BIRC6: variants seen among roughly 807,000 people sequenced by gnomAD.
The protein encoded by BIRC6 is dual E2 ubiquitin-conjugating enzyme/E3 ubiquitin-protein ligase BIRC6.
BIRC6 carries 98 observed loss-of-function variants against 503.3 expected under a neutral mutation model. The observed-to-expected ratio is 0.19, with a 90% CI of 0.17 to 0.23. The LOEUF is 0.23. BIRC6 is among the 10% of genes least tolerant of loss of function. The probability of loss-of-function intolerance (pLI) is 1.00; values close to 1 mark genes in which losing one functional copy is unlikely to be tolerated. For missense variants in BIRC6, 5,360 were observed against 5,806.0 expected, an observed-to-expected ratio of 0.92 and a Z score of 2.50; for synonymous variants, 2,240 against 2,078.7, an observed-to-expected ratio of 1.08 and a Z score of -2.11.
chr2:32,518,170 A>C, intron 55 of BIRC6, 84 bp from the exon 56 acceptor site: 1 of 1,296,064 alleles, frequency 7.7e-7, no homozygotes. Context: ...ACTTATTCAT[A>C]TTTTCTGTTT....
At chr2:32,604,263 G>A (rs1404731160) in intron 71 of BIRC6, among the ~76,000 whole-genome samples, 1 of 152,020 alleles carries the variant, frequency 6.6e-6, no homozygotes, top group Non-Finnish European at 1.5e-5. Flanking sequence ...CTGTTTCTCA[G>A]GCCTAAAGTT....
intron 65 of BIRC6, chr2:32,558,738 G>A (rs2058954434): frequency 6.6e-6 from 1 of 152,120 alleles, no homozygotes; most frequent in African/African-American, 2.4e-5. Flanking sequence ...TCTTCACGGA[G>A]GGCTTGTGAA....
chr2:32,491,142 A>G (rs536226720), intron 43 of BIRC6, among the ~76,000 whole-genome samples: 16 of 152,198 alleles, frequency 1.1e-4, no homozygotes, highest in Non-Finnish European at 1.8e-4. Flanking sequence ...GGCTTTCCAA[A>G]TAAGAGTCAG....
chr2:32,398,793 G>A (rs368627824), intron 6 of BIRC6, among the ~76,000 whole-genome samples: 2 of 152,118 alleles, frequency 1.3e-5, no homozygotes, highest in East Asian at 1.9e-4. Flanking sequence ...AGAGAGAGAC[G>A]GAAAGGGGTA....
chr2:32,559,018 C>T (rs115582783), intron 65 of BIRC6: 1 of 151,988 alleles, frequency 6.6e-6, no homozygotes, highest in Non-Finnish European at 1.5e-5. Context: ...TTACACTGTT[C>T]TTTTTCTTTT....
chr2:32,475,379 T>C (rs1387618856), intron 33 of BIRC6, among the ~76,000 whole-genome samples: 1 of 152,128 alleles, frequency 6.6e-6, no homozygotes, highest in Non-Finnish European at 1.5e-5. Flanking sequence ...TTTTCTCTTC[T>C]TTGGTCTGTT....
rs943349469 is a variant in BIRC6 at position 32,605,362 on chromosome 2, A to G, written c.14071-2093A>G. ...ATAACTGACTGAGATCTATAAAACCATATTGTGTCTCAAAGGAGATGAGGT... is the reference window on the plus strand; with the variant it reads ...ATAACTGACTGAGATCTATAAAACCGTATTGTGTCTCAAAGGAGATGAGGT... On this transcript the variant is annotated intron_variant, in intron 71 of 73. Coordinates refer to ENST00000421745, the MANE Select transcript of BIRC6 (RefSeq NM_016252.4). Among the ~76,000 whole-genome samples the G allele has an allele frequency of 5.3e-5, 8 of 152,306 alleles. No individual in the cohort carries two copies. In the South Asian group the frequency reaches 1.5e-3, roughly 28 times the overall value.
chr2:32,417,424 G>A (rs756237250), intron 10 of BIRC6, among the ~76,000 whole-genome samples: 18 of 152,040 alleles, frequency 1.2e-4, no homozygotes, highest in Non-Finnish European at 2.4e-4. Context: ...GATTACAGGC[G>A]TGTGGCATTG....
At chr2:32,410,634 A>G (rs751443196) in intron 9 of BIRC6, among the ~76,000 whole-genome samples, 130 of 152,214 alleles carry the variant, frequency 8.5e-4, no homozygotes, top group Non-Finnish European at 1.7e-3. Context: ...AATGGTGTAA[A>G]CAGAGCTTTG....
chr2:32,603,127 C>G (rs966829900), intron 71 of BIRC6, 44 bp downstream of exon 71: 1 of 1,522,346 alleles, frequency 6.6e-7, no homozygotes, highest in Non-Finnish European at 9.0e-7. Context: ...AAATAAAGAA[C>G]TGTGTAGTAT....
At chr2:32,409,561 G>A (rs773406567) in intron 9 of BIRC6, among the ~76,000 whole-genome samples, 1 of 152,176 alleles carries the variant, frequency 6.6e-6, no homozygotes, top group Non-Finnish European at 1.5e-5. Flanking sequence ...GGACTGCATA[G>A]GGAAAAGTTT....
chr2:32,397,616 G>GTGTA (rs1553396720), intron 6 of BIRC6, among the ~76,000 whole-genome samples: 33 of 137,590 alleles, frequency 2.4e-4, no homozygotes, highest in African/African-American at 5.9e-4. Flanking sequence ...ATATATGTGT[G>GTGTA]TATATATATA....
intron 38 of BIRC6, 88 bp downstream of exon 38, chr2:32,481,541 C>A: frequency 9.1e-7 from 1 of 1,095,600 alleles, no homozygotes; most frequent in Non-Finnish European, 1.2e-6. Flanking sequence ...CCAAGGTGGG[C>A]AGATCACAAG....
At chr2:32,461,012 C>CTTCTCTTCTCTT (rs2047848412) in intron 23 of BIRC6, among the ~76,000 whole-genome samples, 1 of 51,254 alleles carries the variant, frequency 2.0e-5, no homozygotes, top group Admixed American at 2.0e-4. Context: ...CTTCTCTTCT[C>CTTCTCTTCTCTT]TTCTCTTCTC....
At chr2:32,403,648 A>G (rs747025345) in intron 8 of BIRC6, among the ~76,000 whole-genome samples, 6 of 152,234 alleles carry the variant, frequency 3.9e-5, no homozygotes, top group Non-Finnish European at 8.8e-5. Flanking sequence ...CTGTTACAAT[A>G]TTAGTATGTC....
In BIRC6 at chr2:32,429,254, G is replaced by A. The variant is rs749675830; in HGVS notation, c.2981G>A (p.Gly994Asp). 1.2e-5 allele frequency: 19 copies of A among 1,540,414 alleles called. No homozygotes were observed. Among genetic ancestry groups the A allele is most frequent in the African/African-American group, 9.6e-5 (7 of 72,554 alleles). ...LSKGIEPSSEGSKPLSNPSSP... is the reference protein window; with the variant it reads ...LSKGIEPSSEDSKPLSNPSSP... ...AAAGGAATAGAACCATCTTCAGAAG[G>A]TTCCAAACCTTTATCAAATCCTTCA... is the stretch of plus-strand genomic sequence containing the variant. The change falls in exon 11 of 74, where the codon GGT becomes GAT. Residue 994 changes from glycine to aspartate, a missense_variant. Transcript: ENST00000421745.
chr2:32,618,506 AATTT>A lies in BIRC6; in HGVS notation c.*606_*609del, dbSNP rs1163042217. The A allele has an allele frequency of 1.3e-5, 2 of 152,538 alleles. No individual in the cohort carries two copies. Among genetic ancestry groups the A allele is most frequent in the African/African-American group, 4.8e-5 (2 of 41,444 alleles). 9.4% of individuals were successfully genotyped at this position (152,538 alleles called of 1,614,324 possible). On this transcript the variant is annotated 3_prime_UTR_variant, in exon 74 of 74. Coordinates refer to ENST00000421745, the MANE Select transcript of BIRC6 (RefSeq NM_016252.4). Reference sequence around the variant, plus strand: ...CTGGAGACTTGCACTTGTATGGATGAATTTATTACATTCAACATATTTAATTTTA... The same window carrying A: ...CTGGAGACTTGCACTTGTATGGATGAATTACATTCAACATATTTAATTTTA...
intron 65 of BIRC6, among the ~76,000 whole-genome samples, chr2:32,551,359 T>C (rs1008171001): frequency 2.6e-5 from 4 of 152,190 alleles, no homozygotes; most frequent in Non-Finnish European, 5.9e-5. Context: ...CTTGGCTTAC[T>C]GCAACCTCCA....
chr2:32,404,360 C>T (rs2040952213), intron 8 of BIRC6, among the ~76,000 whole-genome samples: 1 of 152,022 alleles, frequency 6.6e-6, no homozygotes, highest in South Asian at 2.1e-4. Context: ...CTCTGTCGCC[C>T]ATGCTGGAGT....
Sources: gnomAD v4.1 joint callset for allele counts (sites outside exome capture counted in the v4.1 genomes callset) on GRCh38, gnomAD v4.1.1 for gene constraint, MANE v1.5 for transcripts, NCBI Gene and HGNC (gene_info 2026-07-23, HGNC 2026-07-21) for gene names.